Variants in PHF24 observed in about 807,000 individuals in gnomAD.
PHF24 encodes Galpha inhibitory interacting protein.
A neutral mutation model predicts 42.6 loss-of-function variants in PHF24; 25 were observed. That is an observed-to-expected ratio of 0.59 (90% CI 0.43 to 0.82). The LOEUF (loss-of-function observed/expected upper bound fraction) is 0.82, where lower values mean the gene tolerates loss of function less well. PHF24 is among the 40% of genes least tolerant of loss of function. The pLI is 0.00. For synonymous variants in PHF24, 185 were observed against 204.8 expected, an observed-to-expected ratio of 0.90 and a Z score of 0.83; for missense variants, 470 against 538.1, an observed-to-expected ratio of 0.87 and a Z score of 1.25.
chr9:34,953,484 AG>A (rs370018279), upstream of PHF24, among the ~76,000 whole-genome samples: 57 of 152,342 alleles, frequency 3.7e-4, no homozygotes, highest in African/African-American at 1.3e-3. The surrounding 1 kb of genome is among the most constrained non-coding windows in gnomAD (Gnocchi z 4.1). Flanking sequence ...AAAGAAGCCC[AG>A]GGCTTGTGTT....
At chr9:34,745,109 A>G in the PHF24 span, among the ~76,000 whole-genome samples, 4 of 152,188 alleles carry the variant, frequency 2.6e-5, no homozygotes, top group African/African-American at 9.7e-5. Context: ...CAGAGGAGGG[A>G]TTAGAGCAAG....
chr9:34,888,360 A>G, the PHF24 span, among the ~76,000 whole-genome samples: 1 of 152,156 alleles, frequency 6.6e-6, no homozygotes, highest in Non-Finnish European at 1.5e-5. Flanking sequence ...AGTGCCTGCC[A>G]CATAGCAAGT....
At chr9:34,939,041 G>C in the PHF24 span, among the ~76,000 whole-genome samples, 1,953 of 152,172 alleles carry the variant, frequency 0.013, 47 homozygotes, top group East Asian at 0.081. Context: ...AGCACTTTGG[G>C]AGGCCAAGGC....
intron 1 of PHF24, among the ~76,000 whole-genome samples, chr9:34,969,214 A>T (rs1189445713): frequency 6.6e-6 from 1 of 152,202 alleles, no homozygotes; most frequent in Non-Finnish European, 1.5e-5. Context: ...GAAAGTTTTA[A>T]TCAGGGGATA....
At chr9:34,856,008 A>T in the PHF24 span, among the ~76,000 whole-genome samples, 1 of 152,020 alleles carries the variant, frequency 6.6e-6, no homozygotes, top group Non-Finnish European at 1.5e-5. Flanking sequence ...TGCCTGTCTT[A>T]TTTCAGAAAG....
At chr9:34,804,228 A>AT in the PHF24 span, among the ~76,000 whole-genome samples, 1 of 152,246 alleles carries the variant, frequency 6.6e-6, no homozygotes, top group East Asian at 1.9e-4. Flanking sequence ...AAGAGAGTTC[A>AT]GCAATCTGAA....
chr9:34,796,120 A>AT, the PHF24 span, among the ~76,000 whole-genome samples: 56,537 of 151,826 alleles, frequency 0.37, 10,691 homozygotes, highest in East Asian at 0.56. Context: ...TGAACAAAGG[A>AT]TTTTTTTCCA....
At chr9:34,865,609 G>T in the PHF24 span, among the ~76,000 whole-genome samples, 5 of 152,014 alleles carry the variant, frequency 3.3e-5, no homozygotes, top group Non-Finnish European at 5.9e-5. Flanking sequence ...ATAAATGAAA[G>T]CTTCATGGTA....
At chr9:34,894,459 A>T in the PHF24 span, 1 of 398,530 alleles carries the variant, frequency 2.5e-6, no homozygotes, top group Non-Finnish European at 4.4e-6. Context: ...GAGAAACAGC[A>T]GCTTCCACAA....
the PHF24 span, among the ~76,000 whole-genome samples, chr9:34,720,469 A>C: frequency 6.6e-6 from 1 of 151,038 alleles, no homozygotes; most frequent in East Asian, 1.9e-4. Context: ...AAACAAAACA[A>C]AACAAAAAAC....
the PHF24 span, among the ~76,000 whole-genome samples, chr9:34,800,527 G>A: frequency 0.33 from 49,603 of 151,826 alleles, 8,683 homozygotes; most frequent in East Asian, 0.65. Flanking sequence ...ATCTACAACC[G>A]TCTGATCTTC....
the PHF24 span, among the ~76,000 whole-genome samples, chr9:34,879,220 A>G: frequency 6.6e-6 from 1 of 151,834 alleles, no homozygotes; most frequent in Non-Finnish European, 1.5e-5. Context: ...CACCATCATC[A>G]AAGACCAAAA....
the PHF24 span, among the ~76,000 whole-genome samples, chr9:34,920,087 G>A: frequency 1.3e-5 from 2 of 152,124 alleles, no homozygotes; most frequent in African/African-American, 2.4e-5. Flanking sequence ...AGGGATGGCT[G>A]AATCATATGG....
the PHF24 span, chr9:34,917,549 A>G: frequency 1.3e-6 from 1 of 775,876 alleles, no homozygotes; most frequent in South Asian, 1.3e-5. Flanking sequence ...CGACGTGATG[A>G]GCAACCAGCA....
the PHF24 span, among the ~76,000 whole-genome samples, chr9:34,741,797 G>GTC: frequency 1.3e-5 from 2 of 152,014 alleles, no homozygotes; most frequent in Non-Finnish European, 2.9e-5. Flanking sequence ...GACTGTCCTT[G>GTC]TGAAGAATTA....
the PHF24 span, among the ~76,000 whole-genome samples, chr9:34,694,200 C>T: frequency 8.4e-6 from 1 of 118,944 alleles, no homozygotes; most frequent in South Asian, 3.0e-4. Context: ...TACAGAGTCT[C>T]AATATGTCAC....
the PHF24 span, chr9:34,727,109 G>A: frequency 1.4e-6 from 2 of 1,431,592 alleles, no homozygotes; most frequent in Non-Finnish European, 1.8e-6. Flanking sequence ...ATACCATCTT[G>A]TTGTCTACCT....
At chr9:34,963,258 GTT>G (rs55701555) in intron 1 of PHF24, among the ~76,000 whole-genome samples, 24,777 of 116,936 alleles carry the variant, frequency 0.21, 2,326 homozygotes, top group East Asian at 0.59. Context: ...CTTTTTGATG[GTT>G]TTTTTTTTTT....
chr9:34,668,509 A>T, the PHF24 span, among the ~76,000 whole-genome samples: 1 of 152,230 alleles, frequency 6.6e-6, no homozygotes, highest in Non-Finnish European at 1.5e-5. Context: ...GGGCACACCC[A>T]TTTGGCATAT....
Sources: allele counts gnomAD v4.1 joint callset (sites outside exome capture counted in the v4.1 genomes callset), GRCh38; gene constraint gnomAD v4.1.1; non-coding constraint Gnocchi (gnomAD v3.1); transcripts MANE v1.5; gene names NCBI Gene and HGNC (gene_info 2026-07-23, HGNC 2026-07-21).